The following RUVBL1 variants were observed in gnomAD, a reference collection of about 807,000 sequenced individuals.
RUVBL1 encodes RuvB like AAA ATPase 1, also known as ruvB-like 1.
RUVBL1 carries 4 observed loss-of-function variants against 52.4 expected under a neutral mutation model. The observed-to-expected ratio is 0.08, with a 90% CI of 0.04 to 0.17. The LOEUF (loss-of-function observed/expected upper bound fraction) is 0.17, where lower values mean the gene tolerates loss of function less well. Among genes scored for constraint, RUVBL1 ranks in the 10% least tolerant of loss-of-function variants. The pLI is 1.00. For missense variants in RUVBL1, 298 were observed against 572.8 expected, an observed-to-expected ratio of 0.52 and a Z score of 4.90; for synonymous variants, 217 against 214.4, an observed-to-expected ratio of 1.01 and a Z score of -0.10.
chr3:128,076,503 G>A (rs1221249974), downstream of RUVBL1, among the ~76,000 whole-genome samples: 1 of 152,220 alleles, frequency 6.6e-6, no homozygotes, highest in African/African-American at 2.4e-5. This position sits in a 1 kb window ranked among gnomAD's most constrained non-coding sequence, Gnocchi z 6.8. Context: ...TGACCGTCTA[G>A]TCTGGGTTCT....
At chr3:128,150,866 A>ATATATATATATTCTATATATATATTC (rs1478833377) in intron 1 of RUVBL1, among the ~76,000 whole-genome samples, 2 of 55,830 alleles carry the variant, frequency 3.6e-5, no homozygotes, top group East Asian at 7.3e-4. Context: ...ATTATATATT[A>ATATATATATATTCTATATATATATTC]TATATATATA....
intron 3 of RUVBL1, among the ~76,000 whole-genome samples, chr3:128,110,118 A>C (rs2107703524): frequency 6.6e-6 from 1 of 152,220 alleles, no homozygotes; most frequent in Admixed American, 6.5e-5. Flanking sequence ...CACTCGGCCT[A>C]CATACAGTTT....
intron 9 of RUVBL1, among the ~76,000 whole-genome samples, chr3:128,066,421 T>A (rs908722455): frequency 6.6e-6 from 1 of 152,034 alleles, no homozygotes; most frequent in Non-Finnish European, 1.5e-5. Context: ...CCGTGCTTGC[T>A]TCCATGTTTT....
intron 2 of RUVBL1, among the ~76,000 whole-genome samples, chr3:128,113,601 T>C (rs1000815918): frequency 5.3e-5 from 8 of 152,242 alleles, no homozygotes; most frequent in Non-Finnish European, 1.2e-4. Context: ...ATAAATGCTA[T>C]GTAAATAGTT....
intron 1 of RUVBL1, among the ~76,000 whole-genome samples, chr3:128,152,169 T>C (rs1212104208): frequency 6.6e-6 from 1 of 152,228 alleles, no homozygotes; most frequent in African/African-American, 2.4e-5. Context: ...TGACTATGGC[T>C]GACAACCTTT....
chr3:128,092,857 G>T (rs1426566159), intron 8 of RUVBL1, among the ~76,000 whole-genome samples: 1 of 152,124 alleles, frequency 6.6e-6, no homozygotes, highest in African/African-American at 2.4e-5. Flanking sequence ...ATAACCGAAA[G>T]AAATAAAAAC....
chr3:128,121,129 G>A (rs189901566), intron 1 of RUVBL1, among the ~76,000 whole-genome samples: 3 of 151,790 alleles, frequency 2.0e-5, no homozygotes, highest in African/African-American at 7.3e-5. Context: ...ATGGAGTCTC[G>A]CTGTCACCCG....
chr3:128,147,102 T>C (rs905858743), intron 1 of RUVBL1, among the ~76,000 whole-genome samples: 3 of 152,208 alleles, frequency 2.0e-5, no homozygotes, highest in African/African-American at 7.2e-5. Context: ...GACAAGGTTT[T>C]GCTCTGTTGC....
At chr3:128,120,312 C>A (rs191833320) in intron 1 of RUVBL1, among the ~76,000 whole-genome samples, 1 of 152,268 alleles carries the variant, frequency 6.6e-6, no homozygotes, top group Admixed American at 6.5e-5. Flanking sequence ...TGAAGTTAAA[C>A]CTATGGCACT....
chr3:128,120,315 A>G (rs1943614485), intron 1 of RUVBL1, among the ~76,000 whole-genome samples: 1 of 152,218 alleles, frequency 6.6e-6, no homozygotes, highest in Admixed American at 6.5e-5. Flanking sequence ...AGTTAAACCT[A>G]TGGCACTATT....
chr3:128,089,906 T>G, intron 8 of RUVBL1, among the ~76,000 whole-genome samples: 1 of 62,240 alleles, frequency 1.6e-5, no homozygotes, highest in Non-Finnish European at 2.7e-5. Context: ...TGAGACCCTA[T>G]CTCAAAAAAA....
At chr3:128,091,752 G>A (rs947841209) in intron 8 of RUVBL1, among the ~76,000 whole-genome samples, 17 of 152,140 alleles carry the variant, frequency 1.1e-4, no homozygotes, top group South Asian at 4.1e-4. Context: ...TGCACTCCAG[G>A]ATGTTCAGCA....
intron 8 of RUVBL1, among the ~76,000 whole-genome samples, chr3:128,091,151 A>G (rs1334072254): frequency 6.6e-6 from 1 of 152,240 alleles, no homozygotes; most frequent in African/African-American, 2.4e-5. Flanking sequence ...TGTCCAAGCT[A>G]TGAATCTGAA....
At chr3:128,125,251 G>A (rs1384987026), upstream of RUVBL1, among the ~76,000 whole-genome samples, 1 of 151,874 alleles carries the variant, frequency 6.6e-6, no homozygotes, top group African/African-American at 2.4e-5. Context: ...TCCTGACCTC[G>A]TGATCCGCCC....
At chr3:128,065,170 G>A (rs186866826) in exon 10 of RUVBL1, 3 of 1,045,890 alleles carry the variant, frequency 2.9e-6, no homozygotes, top group Admixed American at 3.4e-5. Flanking sequence ...GTATTTGAAG[G>A]CAGCAGGTTT....
chr3:128,113,711 A>G (rs72986269), intron 2 of RUVBL1, among the ~76,000 whole-genome samples: 10,793 of 152,196 alleles, frequency 0.071, 1,017 homozygotes, highest in East Asian at 0.35. Flanking sequence ...GGCAGAATCC[A>G]CATACGTGGA....
At chr3:128,077,994 G>A (rs1356519239), downstream of RUVBL1, among the ~76,000 whole-genome samples, 1 of 152,176 alleles carries the variant, frequency 6.6e-6, no homozygotes, top group Non-Finnish European at 1.5e-5. Context: ...AAAGACTCAT[G>A]GGGCTAGGAC....
rs60187195 is a variant in RUVBL1, at chr3:128,109,809, A to ATTTTTTT, written c.361+3072_361+3078dup. On this transcript the variant is annotated intron_variant, in intron 3 of 10. Coordinates refer to ENST00000322623, the MANE Select transcript of RUVBL1 (RefSeq NM_003707.3). ...GCCATCAGGCCTGGCCTCTCTGTAA[A>ATTTTTTT]TTTTTTTTTTTTTTTTTTTTTTTTT... Among the ~76,000 whole-genome samples, 34 of 80,498 alleles carry ATTTTTTT rather than the reference A, an allele frequency of 4.2e-4. 4 individuals are homozygous for ATTTTTTT. Among genetic ancestry groups the ATTTTTTT allele is most frequent in the South Asian group, 1.8e-3 (3 of 1,708 alleles). The allele number at this position is 80,498 out of a possible 152,430, so 52.8% of individuals were successfully genotyped here. A position where few individuals can be genotyped will look rare whatever the true frequency, so the allele number is the denominator to read the frequency against.
intron 3 of RUVBL1, among the ~76,000 whole-genome samples, chr3:128,109,362 T>C (rs901040374): frequency 6.6e-6 from 1 of 152,048 alleles, no homozygotes; most frequent in Non-Finnish European, 1.5e-5. Flanking sequence ...CTGGGCAACA[T>C]AGTGAGACCC....
Sources: gnomAD v4.1 joint callset for allele counts (sites outside exome capture counted in the v4.1 genomes callset) on GRCh38, gnomAD v4.1.1 for gene constraint, Gnocchi (gnomAD v3.1) non-coding constraint, MANE v1.5 for transcripts, NCBI Gene and HGNC (gene_info 2026-07-23, HGNC 2026-07-21) for gene names.